CEP170B: variants seen among roughly 807,000 people sequenced by gnomAD.
CEP170B encodes the protein centrosomal protein 170B.
A neutral mutation model predicts 120.6 loss-of-function variants in CEP170B; 55 were observed. That is an observed-to-expected ratio of 0.46 (90% CI 0.37 to 0.57). The LOEUF (loss-of-function observed/expected upper bound fraction) is 0.57, where lower values mean the gene tolerates loss of function less well. Ranked by LOEUF, CEP170B falls within the 20% of genes least tolerant of loss-of-function variation. CEP170B has a pLI of 0.00. For synonymous variants in CEP170B, 1,033 were observed against 954.5 expected (o/e 1.08, Z -1.52); for missense variants, 2,212 against 2,253.3 (o/e 0.98, Z 0.37).
At position 104,867,145 on chromosome 14, in the gene CEP170B, C is replaced by T. The variant is rs1002559846; in HGVS notation, c.-27-1279C>T. Among the ~76,000 whole-genome samples the T allele has an allele frequency of 1.3e-5, 2 of 152,198 alleles. No homozygotes were observed. Among genetic ancestry groups the T allele is most frequent in the Non-Finnish European group, 2.9e-5 (2 of 68,032 alleles). On this transcript the variant is annotated intron_variant, in intron 1 of 18. Coordinates refer to ENST00000414716, the MANE Select transcript of CEP170B (RefSeq NM_001112726.3). This position sits in a 1 kb window ranked among gnomAD's most constrained non-coding sequence, Gnocchi z 5.4. ...GGGCCCTGCAGTGATGGAGCCAGTGCTGGGCCCTTTAGGGACTTCATCCCC... is the reference window on the plus strand; with the variant it reads ...GGGCCCTGCAGTGATGGAGCCAGTGTTGGGCCCTTTAGGGACTTCATCCCC...
At chr14:104,889,377 A>C in intron 12 of CEP170B, 1 of 893,694 alleles carries the variant, frequency 1.1e-6, no homozygotes, top group Non-Finnish European at 1.6e-6. Context: ...ATGAAGGGCT[A>C]CTGGGTGGGG....
Position 104,882,623 on chromosome 14 carries a change from G to A in CEP170B, c.473-105G>A, listed in dbSNP as rs940761684. ...CCACAGGGCCAAGCTGGGAGGTGAT[G>A]CCAGGGCCTGCCCCAGAGTCCAGCC... On this transcript the variant is annotated intron_variant, in intron 6 of 18. Coordinates refer to ENST00000414716, the MANE Select transcript of CEP170B (RefSeq NM_001112726.3). The A allele has an allele frequency of 4.6e-6, 4 of 872,646 alleles. No homozygotes were observed. The African/African-American group carries it at 5.1e-5, about 11-fold the overall frequency. 54.1% of individuals were successfully genotyped at this position (872,646 alleles called of 1,614,324 possible).
chr14:104,869,372 C>A (rs1895355733), intron 2 of CEP170B, among the ~76,000 whole-genome samples: 2 of 152,204 alleles, frequency 1.3e-5, no homozygotes, highest in South Asian at 4.1e-4. Flanking sequence ...CCTGCCCACT[C>A]AGACGTTGCC....
chr14:104,868,768 C>T lies in CEP170B; in HGVS notation c.105+213C>T, dbSNP rs893571679. Among the ~76,000 whole-genome samples the T allele has an allele frequency of 6.6e-6, 1 of 152,144 alleles. No individual in the cohort carries two copies. Among genetic ancestry groups the T allele is most frequent in the Non-Finnish European group, 1.5e-5 (1 of 68,004 alleles). On this transcript the variant is annotated intron_variant, in intron 2 of 18. Transcript: ENST00000414716. This position sits in a 1 kb window ranked among gnomAD's most constrained non-coding sequence, Gnocchi z 5.9. ...AGGGGTGTGTGTGTGCTCACAGGCT[C>T]GGGTCCCTGCCCCGTACGTATCCCT...
Position 104,889,680 on chromosome 14 carries a change from GGGACAC to G in CEP170B, c.3805_3810del (p.Thr1269_Asp1270del). On this transcript the variant is annotated inframe_deletion, in exon 13 of 19. Transcript: ENST00000414716. ...GCTCGTTCCCGGGCCCCCGGCCCCC[GGGACAC>G]GGACGACGATGAGGAGGAGCCTGAC... 6.2e-7 allele frequency: 1 copy of G among 1,612,108 alleles called. No individual in the cohort carries two copies. The highest frequency in any genetic ancestry group is 8.5e-7 in the Non-Finnish European group (1 of 1,179,692).
intron 9 of CEP170B, 47 bp from the exon 10 acceptor site, chr14:104,885,322 G>A (rs1475914043): frequency 6.7e-7 from 1 of 1,498,338 alleles, no homozygotes; most frequent in South Asian, 1.3e-5. Flanking sequence ...GGGTTGGGAG[G>A]TGGGCTTCTC....
rs1347838978 is a variant in CEP170B at position 104,870,721 on chromosome 14, A to G, written c.105+2166A>G. ...TGCACCTGTCAGTGGAGCCCTGAGCAGGTCGGGAGTGTTGGGGGCTTCCCA... is the reference window on the plus strand; with the variant it reads ...TGCACCTGTCAGTGGAGCCCTGAGCGGGTCGGGAGTGTTGGGGGCTTCCCA... On this transcript the variant is annotated intron_variant, in intron 2 of 18. Transcript: ENST00000414716. The surrounding 1 kb of genome is among the most constrained non-coding windows in gnomAD (Gnocchi z 4.1). Among the ~76,000 whole-genome samples, 1 of 152,158 alleles carries G rather than the reference A, an allele frequency of 6.6e-6. No homozygotes were observed. Among genetic ancestry groups the G allele is most frequent in the Admixed American group, 6.5e-5 (1 of 15,286 alleles).
chr14:104,886,639 G>A lies in CEP170B; in HGVS notation c.2400G>A (p.Gly800=), dbSNP rs1241945245. The part of the protein sequence containing the change: ...GEPTPASFFI[G]DQNGDAVLSR... ...CAACTCCCGCCTCTTTCTTCATTGG[G>A]GACCAGAATGGGGACGCTGTGTTAT... The change falls in exon 12 of 19, where the codon GGG becomes GGA. Residue 800 remains glycine, a synonymous_variant. Transcript: ENST00000414716. 1 of 1,525,008 alleles carries A rather than the reference G, an allele frequency of 6.6e-7. No individual in the cohort carries two copies. Among genetic ancestry groups the A allele is most frequent in the Non-Finnish European group, 8.8e-7 (1 of 1,138,882 alleles). The allele number at this position is 1,525,008 out of a possible 1,614,324, so 94.5% of individuals were successfully genotyped here. A position where few individuals can be genotyped will look rare whatever the true frequency, so the allele number is the denominator to read the frequency against.
chr14:104,885,604 G>A (rs1013515101), intron 10 of CEP170B, 62 bp downstream of exon 10: 41 of 1,499,584 alleles, frequency 2.7e-5, no homozygotes, highest in Admixed American at 5.0e-5. Flanking sequence ...CATCCAAGCC[G>A]GACCTGGGGT....
At position 104,868,457 on chromosome 14, in the gene CEP170B, G is replaced by A; in HGVS notation, c.7G>A (p.Ala3Thr). 1 of 1,548,662 alleles carries A rather than the reference G, an allele frequency of 6.5e-7. No homozygotes were observed. The highest frequency in any genetic ancestry group is 8.7e-7 in the Non-Finnish European group (1 of 1,146,904). The part of the protein sequence containing the change: MS[A>T]TSWFLVSSSG... ...GGGCCCAGCCAGCACCAAGATGAGT[G>A]CCACGTCCTGGTTCCTGGTGAGCAG... Residue 3 changes from alanine (A) to threonine (T), a missense_variant, in exon 2 of 19, where the codon GCC (alanine) becomes ACC (threonine). Around this residue, in one of 2 missense-constraint regions of CEP170B, gnomAD observed 46 missense variants for 86.6 expected, o/e 0.53. Transcript: ENST00000414716. This position sits in a 1 kb window ranked among gnomAD's most constrained non-coding sequence, Gnocchi z 5.9.
At chr14:104,873,709 C>T (rs867194245) in intron 2 of CEP170B, among the ~76,000 whole-genome samples, 4 of 152,074 alleles carry the variant, frequency 2.6e-5, no homozygotes, top group Non-Finnish European at 5.9e-5. Flanking sequence ...GGTTTCCACT[C>T]CTCAGCAGAG....
At chr14:104,883,635 T>C (rs1896283405) in intron 8 of CEP170B, 127 bp downstream of exon 8, 7 of 1,153,064 alleles carry the variant, frequency 6.1e-6, no homozygotes, top group Non-Finnish European at 8.4e-6. Flanking sequence ...TTCAGTTAAT[T>C]GCCTAAGAGC....
intron 2 of CEP170B, among the ~76,000 whole-genome samples, chr14:104,874,652 C>G (rs1233266987): frequency 2.0e-5 from 3 of 152,062 alleles, no homozygotes; most frequent in Non-Finnish European, 4.4e-5. Flanking sequence ...CCACCCTCCA[C>G]TGTAGTCCCT....
chr14:104,881,138 GA>G (rs1470459037), intron 6 of CEP170B, among the ~76,000 whole-genome samples: 1 of 152,182 alleles, frequency 6.6e-6, no homozygotes, highest in East Asian at 1.9e-4. Context: ...GGTTTCTGAT[GA>G]AACCTGATTT....
At position 104,887,487 on chromosome 14, in the gene CEP170B, C is replaced by T. The variant is rs758198213; in HGVS notation, c.3248C>T (p.Ala1083Val). The T allele has an allele frequency of 2.2e-5, 36 of 1,611,648 alleles. No homozygotes were observed. Among genetic ancestry groups the T allele is most frequent in the Middle Eastern group, 3.3e-4 (2 of 6,036 alleles). Residue 1083 changes from alanine (A) to valine (V), a missense_variant, in exon 12 of 19, where the codon GCG becomes GTG. Ala to Val is a moderately conservative substitution (Grantham distance 64). Around this residue, in one of 2 missense-constraint regions of CEP170B, gnomAD observed 2,166 missense variants for 2,166.7 expected, o/e 1.00. Coordinates refer to ENST00000414716, the MANE Select transcript of CEP170B (RefSeq NM_001112726.3). The stretch of plus-strand genomic sequence containing the variant: ...CGGCTAGGTTCTCGCCGGAAACCAG[C>T]GGCCCCACCGCCATCCCCAGCTGCC... ...AGRLGSRRKP[A>V]APPPSPAARE...
rs752674584 is a variant in CEP170B at position 104,887,571 on chromosome 14, G to A, written c.3332G>A (p.Arg1111His). Residue 1111 changes from arginine (R) to histidine (H), a missense_variant, in exon 12 of 19, where the codon CGC becomes CAC. By Grantham distance (29) the Arg-to-His change is conservative (BLOSUM62 0). This residue lies in a region of CEP170B where 2,166 missense variants were observed against 2,166.7 expected (regional missense o/e 1.00). Coordinates refer to ENST00000414716, the MANE Select transcript of CEP170B (RefSeq NM_001112726.3). ...SSQKGPQALT[R>H]SNSLSTPRPT... ...CAGAAGGGGCCGCAGGCCTTGACCC[G>A]CTCCAACAGCCTGTCCACCCCTCGC... The A allele has an allele frequency of 2.6e-5, 41 of 1,595,510 alleles. No individual in the cohort carries two copies. The highest frequency in any genetic ancestry group is 3.2e-5 in the Non-Finnish European group (38 of 1,172,722).
At chr14:104,874,013 C>T (rs1895705655) in intron 2 of CEP170B, among the ~76,000 whole-genome samples, 3 of 152,172 alleles carry the variant, frequency 2.0e-5, no homozygotes, top group Admixed American at 6.5e-5. Flanking sequence ...AGATCCAGGC[C>T]TCCCAGCTTC....
Position 104,868,051 on chromosome 14 carries a change from C to T in CEP170B, c.-27-373C>T, listed in dbSNP as rs2140612215. On this transcript the variant is annotated intron_variant, in intron 1 of 18. Coordinates refer to ENST00000414716, the MANE Select transcript of CEP170B (RefSeq NM_001112726.3). The surrounding 1 kb of genome is among the most constrained non-coding windows in gnomAD (Gnocchi z 5.9). ...GGCTATGCTGGGTCCTACCCATGAG[C>T]TGCTCCTGATGGGTCACGTGGATGT... Among the ~76,000 whole-genome samples the T allele has an allele frequency of 6.6e-6, 1 of 152,276 alleles. No homozygotes were observed. The highest frequency in any genetic ancestry group is 1.5e-5 in the Non-Finnish European group (1 of 68,016).
Position 104,894,891 on chromosome 14 carries a change from C to T in CEP170B, c.4598C>T (p.Ala1533Val), listed in dbSNP as rs377209021. The change falls in exon 19 of 19, where the codon GCC (alanine) becomes GTC (valine). Residue 1533 changes from alanine (A) to valine (V), a missense_variant. Transcript: ENST00000414716. ...CCCCTGAGGAATTTCCCACAGCGGG[C>T]CAGCTGTGGGCCTCCCAGCCTCCCG... ...ALPLRNFPQR[A>V]SCGPPSLPDP... is the part of the protein sequence containing the mutation. 2.5e-6 allele frequency: 4 copies of T among 1,602,410 alleles called. No individual in the cohort carries two copies. Among genetic ancestry groups the T allele is most frequent in the Non-Finnish European group, 3.4e-6 (4 of 1,175,308 alleles).
Sources: allele counts gnomAD v4.1 joint callset (sites outside exome capture counted in the v4.1 genomes callset), GRCh38; gene constraint gnomAD v4.1.1; regional missense constraint gnomAD v4.1.1; non-coding constraint Gnocchi (gnomAD v3.1); transcripts MANE v1.5; gene names NCBI Gene and HGNC (gene_info 2026-07-23, HGNC 2026-07-21).